The following GOLGB1 variants were observed in gnomAD, a reference collection of about 807,000 sequenced individuals.
GOLGB1 encodes golgin subfamily B member 1.
GOLGB1 carries 174 observed loss-of-function variants against 336.9 expected under a neutral mutation model. The observed-to-expected ratio is 0.52, with a 90% CI of 0.46 to 0.59. The LOEUF (loss-of-function observed/expected upper bound fraction) is 0.59. Ranked by LOEUF, GOLGB1 falls within the 20% of genes least tolerant of loss-of-function variation. GOLGB1 has a pLI of 0.00. For missense variants in GOLGB1, 3,331 were observed against 3,645.3 expected (o/e 0.91, Z 2.22); for synonymous variants, 1,208 against 1,289.2 (o/e 0.94, Z 1.35).
chr3:121,748,510 T>A (rs993674657), intron 1 of GOLGB1, among the ~76,000 whole-genome samples: 2 of 152,210 alleles, frequency 1.3e-5, no homozygotes, highest in Non-Finnish European at 2.9e-5. Context: ...TATGAAGCAG[T>A]TAATGTACAA....
intron 10 of GOLGB1, among the ~76,000 whole-genome samples, chr3:121,714,339 A>G (rs1286056844): frequency 2.0e-5 from 3 of 152,198 alleles, no homozygotes; most frequent in Admixed American, 1.3e-4. Flanking sequence ...GATGATTACA[A>G]TCTAGCTCTC....
chr3:121,679,989 T>C (rs529628275), intron 15 of GOLGB1, among the ~76,000 whole-genome samples: 2 of 152,318 alleles, frequency 1.3e-5, no homozygotes, highest in African/African-American at 4.8e-5. Context: ...TTCCCCATAG[T>C]GTCAGTGGAG....
chr3:121,725,814 A>G (rs1163463442), intron 5 of GOLGB1, among the ~76,000 whole-genome samples: 3 of 152,030 alleles, frequency 2.0e-5, no homozygotes, highest in Non-Finnish European at 4.4e-5. Context: ...TGGTAGCTTT[A>G]TAAGAAGAAG....
rs1364927597 is a variant in GOLGB1 at position 121,692,133 on chromosome 3, G to A, written c.7231C>T (p.His2411Tyr). 1 of 1,612,638 alleles carries A rather than the reference G, an allele frequency of 6.2e-7. No homozygotes were observed. ...TCCAGCTCTTTAATTTCTTTATCAT[G>A]TTGCTGACGCAGTTCAGCAATAGCT... ...QVAIAELRQQHDKEIKELENL... is the reference protein window; with the variant it reads ...QVAIAELRQQYDKEIKELENL... Residue 2411 changes from histidine to tyrosine, a missense_variant, in exon 14 of 22, where the codon CAT (histidine) becomes TAT (tyrosine). Transcript: ENST00000614479.
chr3:121,742,423 G>C (rs1402320214), intron 1 of GOLGB1, among the ~76,000 whole-genome samples: 1 of 152,146 alleles, frequency 6.6e-6, no homozygotes, highest in Non-Finnish European at 1.5e-5. Context: ...TACGTAGAAA[G>C]GTGAAACTGG....
intron 1 of GOLGB1, among the ~76,000 whole-genome samples, chr3:121,748,384 T>C (rs1947514953): frequency 6.6e-6 from 1 of 152,220 alleles, no homozygotes. Context: ...AATGTTTTAC[T>C]GATAGGGAGT....
At chr3:121,719,511 A>G (rs1945022344) in intron 7 of GOLGB1, 135 bp downstream of exon 7, 1 of 501,136 alleles carries the variant, frequency 2.0e-6, no homozygotes, top group Non-Finnish European at 3.3e-6. Flanking sequence ...GCAACAGAAG[A>G]CAAGGACACA....
chr3:121,683,053 A>ATTTTTTTTTTTTTTTTTT lies in GOLGB1; in HGVS notation c.8695-1206_8695-1189dup, dbSNP rs746649684. Among the ~76,000 whole-genome samples, 239 of 82,492 alleles carry ATTTTTTTTTTTTTTTTTT rather than the reference A, an allele frequency of 2.9e-3. 36 individuals are homozygous for ATTTTTTTTTTTTTTTTTT. The highest frequency in any genetic ancestry group is 4.3e-3 in the Non-Finnish European group (177 of 41,532). The allele number at this position is 82,492 out of a possible 152,430, so 54.1% of individuals were successfully genotyped here. ...GCTGCTTAAGAAGCAATTTCTTTTA[A>ATTTTTTTTTTTTTTTTTT]TTTTTTTTTTTTTTTTTTTTTTTTT... is the stretch of plus-strand genomic sequence containing the variant. On this transcript the variant is annotated intron_variant, in intron 14 of 21. Coordinates refer to ENST00000614479, the MANE Select transcript of GOLGB1 (RefSeq NM_001366282.2).
At position 121,695,043 on chromosome 3, in the gene GOLGB1, T is replaced by C; in HGVS notation, c.5480A>G (p.Asn1827Ser). 3 of 1,614,130 alleles carry C rather than the reference T, an allele frequency of 1.9e-6. No individual in the cohort carries two copies. Among genetic ancestry groups the C allele is most frequent in the African/African-American group, 1.3e-5 (1 of 75,046 alleles). Residue 1827 changes from asparagine (N) to serine (S), a missense_variant, in exon 13 of 22, where the codon AAC becomes AGC. Asn to Ser is a conservative substitution (Grantham distance 46, BLOSUM62 1). Coordinates refer to ENST00000614479, the MANE Select transcript of GOLGB1 (RefSeq NM_001366282.2). The stretch of plus-strand genomic sequence containing the variant: ...GCTGAAATCCTTACTTACAGCAGGG[T>C]TGGCACTCTTCGCTGATGGAACCGA... ...SESVPSAKSA[N>S]PAVSKDFSSH...
intron 20 of GOLGB1, among the ~76,000 whole-genome samples, chr3:121,666,074 G>A (rs1938571932): frequency 6.6e-6 from 1 of 152,206 alleles, no homozygotes; most frequent in South Asian, 2.1e-4. Flanking sequence ...AGGTCAGTCT[G>A]TCAATGTAGG....
At chr3:121,709,616 T>C (rs1944175258) in intron 10 of GOLGB1, among the ~76,000 whole-genome samples, 1 of 152,080 alleles carries the variant, frequency 6.6e-6, no homozygotes, top group African/African-American at 2.4e-5. Context: ...CAGAGAAACT[T>C]AGAAAAATGT....
chr3:121,671,637 C>T (rs377154502), intron 17 of GOLGB1, among the ~76,000 whole-genome samples: 24 of 152,080 alleles, frequency 1.6e-4, no homozygotes, highest in Admixed American at 2.6e-4. Context: ...CTTTCCTTTA[C>T]GCTAGAAGCA....
chr3:121,691,352 T>C lies in GOLGB1; in HGVS notation c.8012A>G (p.Gln2671Arg). The C allele has an allele frequency of 6.2e-7, 1 of 1,612,440 alleles. No homozygotes were observed. The highest frequency in any genetic ancestry group is 8.5e-7 in the Non-Finnish European group (1 of 1,179,682). ...ACCTACCTTCTTGGCAGCTTCCTTTTGAACACAAACCAATTCTTCTTCCAG... is the reference window on the plus strand; with the variant it reads ...ACCTACCTTCTTGGCAGCTTCCTTTCGAACACAAACCAATTCTTCTTCCAG... ...AELEEELVCV[Q>R]KEAAKKVGEI... The change falls in exon 14 of 22, where the codon CAA becomes CGA. Residue 2671 changes from glutamine to arginine, a missense_variant. Coordinates refer to ENST00000614479, the MANE Select transcript of GOLGB1 (RefSeq NM_001366282.2).
Position 121,664,410 on chromosome 3 carries a change from G to T in GOLGB1, c.*70C>A. On this transcript the variant is annotated 3_prime_UTR_variant, in exon 22 of 22. Coordinates refer to ENST00000614479, the MANE Select transcript of GOLGB1 (RefSeq NM_001366282.2). ...ATGGGAAGACTGTTCCACTGGAATT[G>T]ATGTTCTGATGTTAGAGGTGAGAGA... The T allele has an allele frequency of 7.8e-7, 1 of 1,276,224 alleles. No homozygotes were observed. The highest frequency in any genetic ancestry group is 1.1e-6 in the Non-Finnish European group (1 of 874,270). 79.1% of individuals were successfully genotyped at this position (1,276,224 alleles called of 1,614,324 possible). A position where few individuals can be genotyped will look rare whatever the true frequency, so the allele number is the denominator to read the frequency against.
chr3:121,739,195 G>A (rs1946687218), intron 1 of GOLGB1, among the ~76,000 whole-genome samples: 1 of 152,048 alleles, frequency 6.6e-6, no homozygotes, highest in Admixed American at 6.6e-5. Context: ...AGCCCAAGAG[G>A]TGGAGGCTGC....
chr3:121,708,074 AC>A (rs1447900124), intron 10 of GOLGB1, among the ~76,000 whole-genome samples: 3 of 152,252 alleles, frequency 2.0e-5, no homozygotes, highest in African/African-American at 7.2e-5. Flanking sequence ...TGTGCTGTTT[AC>A]AACATACTCA....
intron 14 of GOLGB1, 51 bp downstream of exon 14, chr3:121,690,619 A>C (rs2107772443): frequency 1.1e-6 from 1 of 930,442 alleles, no homozygotes; most frequent in Non-Finnish European, 1.5e-6. Context: ...AAATTTAAAG[A>C]AAGGTTCAAA....
chr3:121,694,955 T>C lies in GOLGB1; in HGVS notation c.5568A>G (p.Gly1856=), dbSNP rs1218299885. 2 of 1,614,154 alleles carry C rather than the reference T, an allele frequency of 1.2e-6. No homozygotes were observed. Among genetic ancestry groups the C allele is most frequent in the Admixed American group, 3.3e-5 (2 of 60,028 alleles). ...TGTTTTTCTGCTTCTCCTCCTCTAATCCAGCAATTCTTTCTTTGAGCTGAT... is the reference window on the plus strand; with the variant it reads ...TGTTTTTCTGCTTCTCCTCCTCTAACCCAGCAATTCTTTCTTTGAGCTGAT... The part of the protein sequence containing the change: ...QIDQLKERIA[G]LEEEKQKNKE... The change falls in exon 13 of 22, where the codon GGA becomes GGG. Residue 1856 remains glycine, a synonymous_variant. Coordinates refer to ENST00000614479, the MANE Select transcript of GOLGB1 (RefSeq NM_001366282.2).
At chr3:121,740,679 A>T (rs1029407641) in intron 1 of GOLGB1, among the ~76,000 whole-genome samples, 3 of 152,302 alleles carry the variant, frequency 2.0e-5, no homozygotes, top group South Asian at 2.1e-4. Context: ...GTTTATTTTT[A>T]AAAAATGTAA....
Sources: allele counts gnomAD v4.1 joint callset (sites outside exome capture counted in the v4.1 genomes callset), GRCh38; gene constraint gnomAD v4.1.1; transcripts MANE v1.5; gene names NCBI Gene and HGNC (gene_info 2026-07-23, HGNC 2026-07-21).